The following PYHIN1 variants were observed in gnomAD, a reference collection of about 807,000 sequenced individuals.
PYHIN1 encodes pyrin and HIN domain family member 1, also known as pyrin and HIN domain-containing protein 1.
Under a neutral mutation model 43.7 loss-of-function variants are expected in PYHIN1, and 32 were observed. That is an observed-to-expected ratio of 0.73 (90% CI 0.55 to 0.98). PYHIN1 has a LOEUF of 0.98. Ranked by LOEUF, PYHIN1 falls within the 50% of genes least tolerant of loss-of-function variation. The pLI is 0.00. For missense variants in PYHIN1, 588 were observed against 589.5 expected (o/e 1.00, Z 0.03); for synonymous variants, 205 against 203.1 (o/e 1.01, Z -0.08).
At chr1:158,982,583 A>T in the PYHIN1 span, among the ~76,000 whole-genome samples, 1 of 152,144 alleles carries the variant, frequency 6.6e-6, no homozygotes, top group Non-Finnish European at 1.5e-5. Context: ...TGATGCCTCC[A>T]GCTTTGTGGT....
At chr1:158,951,884 A>G (rs4657565) in intron 7 of PYHIN1, among the ~76,000 whole-genome samples, 58,002 of 152,074 alleles carry the variant, frequency 0.38, 12,577 homozygotes, top group East Asian at 0.52. Context: ...GAGTCACGTT[A>G]GGGGTAAGAG....
At chr1:158,953,181 G>A (rs1033621962) in intron 7 of PYHIN1, among the ~76,000 whole-genome samples, 2 of 85,452 alleles carry the variant, frequency 2.3e-5, no homozygotes, top group East Asian at 3.7e-4. Context: ...GGGGAGGGGC[G>A]CCCGCCATTG....
chr1:158,986,851 C>T, the PYHIN1 span, among the ~76,000 whole-genome samples: 2 of 152,162 alleles, frequency 1.3e-5, no homozygotes, highest in Admixed American at 6.5e-5. Context: ...GCACTTTTAG[C>T]CAGCTCAGAT....
At chr1:158,975,663 T>C (rs1461070832) in intron 8 of PYHIN1, among the ~76,000 whole-genome samples, 1 of 152,120 alleles carries the variant, frequency 6.6e-6, no homozygotes, top group Non-Finnish European at 1.5e-5. Context: ...AGAAAGACCA[T>C]GTTCCAGGGA....
At chr1:158,960,264 G>A (rs1325484905) in intron 7 of PYHIN1, among the ~76,000 whole-genome samples, 2 of 152,172 alleles carry the variant, frequency 1.3e-5, no homozygotes, top group African/African-American at 2.4e-5. Flanking sequence ...CATTGCAACC[G>A]CAGATCCATA....
chr1:158,938,914 TA>T (rs1262004792), intron 3 of PYHIN1, among the ~76,000 whole-genome samples, 165 bp from the exon 4 acceptor site: 1 of 152,184 alleles, frequency 6.6e-6, no homozygotes, highest in Non-Finnish European at 1.5e-5. Flanking sequence ...GCTCCCTTTT[TA>T]AAAATGAAAC....
At chr1:158,975,037 C>T (rs1651170913) in intron 8 of PYHIN1, among the ~76,000 whole-genome samples, 1 of 152,022 alleles carries the variant, frequency 6.6e-6, no homozygotes, top group Admixed American at 6.6e-5. Context: ...TATTTGACTG[C>T]ATCTAAACCT....
intron 7 of PYHIN1, among the ~76,000 whole-genome samples, chr1:158,958,934 G>A (rs72704936): frequency 0.11 from 16,948 of 150,796 alleles, 1,092 homozygotes; most frequent in African/African-American, 0.12. Context: ...AGCCTTAAGC[G>A]GCTGTTTCAA....
At chr1:158,951,816 C>A (rs1405358115) in intron 7 of PYHIN1, among the ~76,000 whole-genome samples, 3 of 152,008 alleles carry the variant, frequency 2.0e-5, no homozygotes, top group Admixed American at 2.0e-4. Context: ...AACTCATGGG[C>A]CTTTTGTGAT....
intron 7 of PYHIN1, among the ~76,000 whole-genome samples, chr1:158,969,100 C>G (rs747470068): frequency 2.0e-5 from 3 of 151,950 alleles, no homozygotes; most frequent in Non-Finnish European, 4.4e-5. Flanking sequence ...CAAATCCAGC[C>G]TTAATGAACT....
At chr1:158,948,832 G>A (rs1019618056) in intron 7 of PYHIN1, among the ~76,000 whole-genome samples, 8 of 152,232 alleles carry the variant, frequency 5.3e-5, no homozygotes, top group African/African-American at 1.7e-4. Flanking sequence ...GCCTCAGATT[G>A]TCTCCTTAAT....
intron 5 of PYHIN1, 149 bp downstream of exon 5, chr1:158,942,548 A>C (rs1648985824): frequency 3.2e-6 from 2 of 620,352 alleles, no homozygotes; most frequent in Admixed American, 6.8e-5. Flanking sequence ...GTCTTCTTCG[A>C]GGTTAAGACC....
chr1:158,964,484 C>A (rs909139778), intron 7 of PYHIN1, among the ~76,000 whole-genome samples: 5 of 152,138 alleles, frequency 3.3e-5, no homozygotes, highest in African/African-American at 1.2e-4. Flanking sequence ...AGAGAAGGGG[C>A]AGGTCACTGG....
At chr1:158,935,810 C>G (rs1205215261) in intron 1 of PYHIN1, among the ~76,000 whole-genome samples, 1 of 152,106 alleles carries the variant, frequency 6.6e-6, no homozygotes, top group Non-Finnish European at 1.5e-5. Context: ...GGGATAGGCT[C>G]CAGCCCCAGT....
chr1:158,956,630 A>G (rs1462686397), intron 7 of PYHIN1, among the ~76,000 whole-genome samples: 1 of 151,798 alleles, frequency 6.6e-6, no homozygotes, highest in Non-Finnish European at 1.5e-5. Context: ...ATCTATGACA[A>G]ACGCACAGCC....
Position 158,938,496 on chromosome 1 carries a change from G to T in PYHIN1, c.365G>T (p.Ser122Ile). 6.2e-7 allele frequency: 1 copy of T among 1,614,200 alleles called. No individual in the cohort carries two copies. The highest frequency in any genetic ancestry group is 8.5e-7 in the Non-Finnish European group (1 of 1,180,036). ...VYPATPACTPSNRLTAKGAEE... is the reference protein window; with the variant it reads ...VYPATPACTPINRLTAKGAEE... ...CCTGCTACACCTGCATGCACCCCAA[G>T]CAACCGTCTCACAGCTAAAGGAGCA... The change falls in exon 3 of 9, where the codon AGC (serine) becomes ATC (isoleucine). Residue 122 changes from serine (S) to isoleucine (I), a missense_variant. Ser to Ile is a moderately radical substitution (Grantham distance 142, BLOSUM62 -2). Transcript: ENST00000368140.
downstream of PYHIN1, among the ~76,000 whole-genome samples, chr1:158,980,029 G>A (rs1442908286): frequency 1.3e-5 from 2 of 152,136 alleles, no homozygotes; most frequent in Non-Finnish European, 2.9e-5. Context: ...ATAATGCCTT[G>A]CAGCTGCATC....
downstream of PYHIN1, among the ~76,000 whole-genome samples, chr1:158,977,711 G>T (rs1184348939): frequency 1.3e-5 from 2 of 152,132 alleles, no homozygotes; most frequent in Non-Finnish European, 2.9e-5. Context: ...AGCTCTAGAA[G>T]GTTGACAGTT....
Position 158,962,707 on chromosome 1 carries a change from G to A in PYHIN1, c.1360-10940G>A, listed in dbSNP as rs562961091. ...ACTGGCACCTCCAGCACACAGCAGC[G>A]AGCATTGGAGAGGAGTCCAGTCTCT... On this transcript the variant is annotated intron_variant, in intron 7 of 8. Coordinates refer to ENST00000368140, the MANE Select transcript of PYHIN1 (RefSeq NM_152501.5). 1.5e-3 allele frequency among the ~76,000 whole-genome samples: 226 copies of A among 152,250 alleles called. 1 individual carries two copies. The highest frequency in any genetic ancestry group is 2.8e-3 in the Non-Finnish European group (189 of 68,022).
Sources: allele counts gnomAD v4.1 joint callset (sites outside exome capture counted in the v4.1 genomes callset), GRCh38; gene constraint gnomAD v4.1.1; transcripts MANE v1.5; gene names NCBI Gene and HGNC (gene_info 2026-07-23, HGNC 2026-07-21).